CHAT: variants seen among roughly 807,000 people sequenced by gnomAD.
CHAT encodes the protein choline O-acetyltransferase.
In CHAT, 61 loss-of-function variants were observed where a neutral mutation model predicts 76.9. That is an observed-to-expected ratio of 0.79 (90% confidence interval 0.65 to 0.98). The LOEUF is 0.98. Ranked by LOEUF, CHAT falls within the 50% of genes least tolerant of loss-of-function variation. CHAT has a pLI of 0.00. For synonymous variants in CHAT, 407 were observed against 397.4 expected (o/e 1.02, Z -0.29); for missense variants, 946 against 986.9 (o/e 0.96, Z 0.56).
intron 13 of CHAT, among the ~76,000 whole-genome samples, chr10:49,658,606 G>A (rs1352942222): frequency 6.6e-6 from 1 of 152,248 alleles, no homozygotes. Context: ...CTACTAGGGA[G>A]GCTGAGGCAG....
At chr10:49,620,715 G>A (rs962937755) in intron 4 of CHAT, 102 bp downstream of exon 4, 2 of 926,794 alleles carry the variant, frequency 2.2e-6, no homozygotes, top group African/African-American at 3.2e-5. Context: ...AGCCTCGGCT[G>A]AGCTTCCTGG....
Position 49,665,575 on chromosome 10 carries a change from C to T in CHAT, c.*529C>T, listed in dbSNP as rs986993123. Among the ~76,000 whole-genome samples the T allele has an allele frequency of 1.3e-5, 2 of 152,064 alleles. No individual in the cohort carries two copies. The highest frequency in any genetic ancestry group is 2.9e-5 in the Non-Finnish European group (2 of 67,990). The stretch of plus-strand genomic sequence containing the variant: ...TGGCATTCCCAGTGTCTCCACTGAG[C>T]CGTACAGTCCTACAAGCACCCACTC... On this transcript the variant is annotated 3_prime_UTR_variant, in exon 15 of 15. Coordinates refer to ENST00000337653, the MANE Select transcript of CHAT (RefSeq NM_020549.5).
intron 3 of CHAT, among the ~76,000 whole-genome samples, 189 bp from the exon 4 acceptor site, chr10:49,620,306 G>C (rs1838657889): frequency 6.6e-6 from 1 of 152,128 alleles, no homozygotes; most frequent in African/African-American, 2.4e-5. Flanking sequence ...GAAGAAAGGA[G>C]ACAGGAGGGC....
At position 49,620,624 on chromosome 10, in the gene CHAT, G is replaced by T; in HGVS notation, c.698+11G>T. 1 of 1,598,908 alleles carries T rather than the reference G, an allele frequency of 6.3e-7. No homozygotes were observed. Among genetic ancestry groups the T allele is most frequent in the East Asian group, 2.2e-5 (1 of 44,586 alleles). On this transcript the variant is annotated intron_variant, in intron 4 of 14. Coordinates refer to ENST00000337653, the MANE Select transcript of CHAT (RefSeq NM_020549.5). ...CGATGACCAGCTGAGGTGAGGCCTT[G>T]GTGCTCCTAGCTCATAACCTGGGGA...
intron 7 of CHAT, among the ~76,000 whole-genome samples, chr10:49,638,827 T>A (rs554089313): frequency 6.6e-6 from 1 of 152,354 alleles, no homozygotes; most frequent in Non-Finnish European, 1.5e-5. Flanking sequence ...TTAGAAGACT[T>A]AAAAGGAGAA....
rs1218897736 is a variant in CHAT, at chr10:49,665,031, G to A, written c.2232G>A (p.Gln744=). Residue 744 remains glutamine (Q), a synonymous_variant, in exon 15 of 15, where the codon CAG becomes CAA. Transcript: ENST00000337653. The part of the protein sequence containing the change: ...ATKEKATRPS[Q]GHQP Reference sequence around the variant, plus strand: ...AGGAAAAAGCCACGAGGCCCAGCCAGGGACACCAACCTTGACTCCTGCCAC... The same window carrying A: ...AGGAAAAAGCCACGAGGCCCAGCCAAGGACACCAACCTTGACTCCTGCCAC... The A allele has an allele frequency of 5.6e-6, 9 of 1,613,900 alleles. No homozygotes were observed. The highest frequency in any genetic ancestry group is 7.6e-6 in the Non-Finnish European group (9 of 1,180,054).
rs1840335245 is a variant in CHAT, at chr10:49,666,146, G to A, written c.*1100G>A. Among the ~76,000 whole-genome samples the A allele has an allele frequency of 6.6e-6, 1 of 152,180 alleles. No homozygotes were observed. Among genetic ancestry groups the A allele is most frequent in the African/African-American group, 2.4e-5 (1 of 41,452 alleles). ...AACCCATGTGGTAGAGCCTAGAGCA[G>A]GGCTCTCTTCTGGCCTCAGGGACTT... On this transcript the variant is annotated 3_prime_UTR_variant, in exon 15 of 15. Transcript: ENST00000337653.
At chr10:49,631,921 G>A (rs1325483196) in intron 7 of CHAT, among the ~76,000 whole-genome samples, 2 of 151,556 alleles carry the variant, frequency 1.3e-5, no homozygotes, top group African/African-American at 4.9e-5. Flanking sequence ...TGGGGACCTA[G>A]GAAGATATTG....
chr10:49,636,222 G>A, intron 7 of CHAT, among the ~76,000 whole-genome samples: 1 of 152,088 alleles, frequency 6.6e-6, no homozygotes, highest in East Asian at 1.9e-4. Flanking sequence ...TATCATGAAT[G>A]GATGTTCAAT....
At position 49,625,469 on chromosome 10, in the gene CHAT, T is replaced by G; in HGVS notation, c.753-4T>G. ...CTGCCTCCCTTCCCACTCCTCTCCT[T>G]CAGCCACTCCATTCCCACTGACTGT... On this transcript the variant is annotated splice_polypyrimidine_tract_variant and splice_region_variant and intron_variant, in intron 5 of 14. Transcript: ENST00000337653. 1 of 1,612,048 alleles carries G rather than the reference T, an allele frequency of 6.2e-7. No homozygotes were observed. Among genetic ancestry groups the G allele is most frequent in the Non-Finnish European group, 8.5e-7 (1 of 1,179,932 alleles).
upstream of CHAT, chr10:49,610,533 C>T (rs1172633201): frequency 6.5e-6 from 3 of 461,820 alleles, no homozygotes; most frequent in Non-Finnish European, 1.1e-5. Flanking sequence ...GTCCCGGGAT[C>T]GGCTAAGAGT....
At chr10:49,637,518 C>T (rs920331572) in intron 7 of CHAT, 3 of 152,198 alleles carry the variant, frequency 2.0e-5, no homozygotes, top group Admixed American at 6.5e-5. Flanking sequence ...CCCAGGAGAT[C>T]TGATGGTTTA....
At position 49,616,654 on chromosome 10, in the gene CHAT, C is replaced by G. The variant is rs1174461560; in HGVS notation, c.387+52C>G. On this transcript the variant is annotated intron_variant, in intron 2 of 14. Coordinates refer to ENST00000337653, the MANE Select transcript of CHAT (RefSeq NM_020549.5). ...AACCCTGCTTTCCCCACCTACATGC[C>G]CTTGCTTCTAGAACAGTCCTGAGTG... is the stretch of plus-strand genomic sequence containing the variant. 3.1e-6 allele frequency: 4 copies of G among 1,283,714 alleles called. No homozygotes were observed. In the Admixed American group the frequency reaches 7.6e-5, roughly 24 times the overall value. The allele number at this position is 1,283,714 out of a possible 1,614,324, so 79.5% of individuals were successfully genotyped here.
intron 7 of CHAT, among the ~76,000 whole-genome samples, chr10:49,628,513 C>A (rs1185460183): frequency 1.3e-5 from 2 of 152,152 alleles, no homozygotes; most frequent in African/African-American, 4.8e-5. Flanking sequence ...GGGCCCTGGG[C>A]TTGGCTCAGG....
chr10:49,655,243 C>T lies in CHAT; in HGVS notation c.1776+7C>T, dbSNP rs777805256. 11 of 1,613,976 alleles carry T rather than the reference C, an allele frequency of 6.8e-6. No homozygotes were observed. In the East Asian group the frequency reaches 2.5e-4, roughly 36 times the overall value. ...CCACAAGGCTGCTGTGCCAGTAAGT[C>T]CCGCCCCACCCCACGGCCACAGGAA... is the stretch of plus-strand genomic sequence containing the variant. On this transcript the variant is annotated splice_region_variant and intron_variant, in intron 12 of 14. Transcript: ENST00000337653.
chr10:49,644,678 G>A (rs996891747), intron 7 of CHAT, among the ~76,000 whole-genome samples: 2 of 152,218 alleles, frequency 1.3e-5, no homozygotes, highest in Non-Finnish European at 2.9e-5. Context: ...AAGGTCTGCT[G>A]TGGGAGACAT....
intron 7 of CHAT, among the ~76,000 whole-genome samples, chr10:49,640,167 T>C (rs983215426): frequency 6.6e-6 from 1 of 152,036 alleles, no homozygotes; most frequent in African/African-American, 2.4e-5. Flanking sequence ...TATTTTATTT[T>C]AATTTTATTT....
Position 49,639,599 on chromosome 10 carries a change from A to G in CHAT, c.1112-6906A>G, listed in dbSNP as rs1015679357. Among the ~76,000 whole-genome samples, 4 of 151,778 alleles carry G rather than the reference A, an allele frequency of 2.6e-5. No homozygotes were observed. In the South Asian group the frequency reaches 6.2e-4, roughly 24 times the overall value. ...GGTGTGTGTGTCTATGTATAGATACATGTGTATATATGTATATCATTTCTC... is the reference window on the plus strand; with the variant it reads ...GGTGTGTGTGTCTATGTATAGATACGTGTGTATATATGTATATCATTTCTC... On this transcript the variant is annotated intron_variant, in intron 7 of 14. Coordinates refer to ENST00000337653, the MANE Select transcript of CHAT (RefSeq NM_020549.5).
intron 10 of CHAT, chr10:49,651,645 A>G (rs1014608219): frequency 3.9e-6 from 2 of 510,054 alleles, no homozygotes; most frequent in Non-Finnish European, 7.1e-6. Flanking sequence ...AGCAGGGCCG[A>G]CACCCCACTC....
Sources: allele counts gnomAD v4.1 joint callset (sites outside exome capture counted in the v4.1 genomes callset), GRCh38; gene constraint gnomAD v4.1.1; transcripts MANE v1.5; gene names NCBI Gene and HGNC (gene_info 2026-07-23, HGNC 2026-07-21).